NIBAN2: variants seen among roughly 807,000 people sequenced by gnomAD.
NIBAN2 encodes the protein niban apoptosis regulator 2.
Under a neutral mutation model 81.8 loss-of-function variants are expected in NIBAN2, and 36 were observed. That is an observed-to-expected ratio of 0.44 (90% CI 0.34 to 0.58). NIBAN2 has a LOEUF of 0.58. Ranked by LOEUF, NIBAN2 falls within the 20% of genes least tolerant of loss-of-function variation. The pLI is 0.02. For synonymous variants in NIBAN2, 445 were observed against 441.6 expected, an observed-to-expected ratio of 1.01 and a Z score of -0.10; for missense variants, 897 against 1,014.1, an observed-to-expected ratio of 0.88 and a Z score of 1.57.
chr9:127,565,280 G>C (rs1490538758), intron 1 of NIBAN2, among the ~76,000 whole-genome samples: 1 of 151,948 alleles, frequency 6.6e-6, no homozygotes, highest in African/African-American at 2.4e-5. Flanking sequence ...CATTACTTTT[G>C]CAATTAGACA....
chr9:127,561,873 G>A lies in NIBAN2; in HGVS notation c.55+6947C>T, dbSNP rs79502468. Among the ~76,000 whole-genome samples the A allele has an allele frequency of 4.5e-3, 681 of 152,318 alleles. 11 individuals are homozygous for A. The East Asian group carries it at 0.065, about 14-fold the overall frequency. ...GGGTTTTAAACCTAGGCATCTGCCCGGACTCCTTCCTTAAACCTCTGCCCA... is the reference window on the plus strand; with the variant it reads ...GGGTTTTAAACCTAGGCATCTGCCCAGACTCCTTCCTTAAACCTCTGCCCA... On this transcript the variant is annotated intron_variant, in intron 1 of 13. Coordinates refer to ENST00000373312, the MANE Select transcript of NIBAN2 (RefSeq NM_022833.4).
chr9:127,568,728 C>T (rs1428624837), intron 1 of NIBAN2, 92 bp downstream of exon 1: 4 of 1,128,180 alleles, frequency 3.5e-6, no homozygotes, highest in Non-Finnish European at 4.4e-6. Flanking sequence ...CCCCGAGCCC[C>T]CGGCCCCGGC....
At chr9:127,540,128 GA>G (rs1837350414) in intron 1 of NIBAN2, among the ~76,000 whole-genome samples, 2 of 152,148 alleles carry the variant, frequency 1.3e-5, no homozygotes, top group Non-Finnish European at 2.9e-5. Context: ...CCCACCCTGG[GA>G]CCAGCTCCAA....
At chr9:127,530,551 G>C (rs1837159455) in intron 2 of NIBAN2, among the ~76,000 whole-genome samples, 1 of 152,146 alleles carries the variant, frequency 6.6e-6, no homozygotes, top group African/African-American at 2.4e-5. Flanking sequence ...GGCCCACGCT[G>C]ACCCTCAGGC....
chr9:127,512,970 G>A (rs565902258), intron 8 of NIBAN2, among the ~76,000 whole-genome samples: 1 of 152,268 alleles, frequency 6.6e-6, no homozygotes. Flanking sequence ...AGCAACCTAA[G>A]TGTCCATAAC....
At chr9:127,530,150 C>T (rs754369218) in intron 2 of NIBAN2, among the ~76,000 whole-genome samples, 12 of 152,250 alleles carry the variant, frequency 7.9e-5, no homozygotes, top group Non-Finnish European at 1.6e-4. Context: ...CACACAGATA[C>T]GCACCTGCCA....
chr9:127,523,882 G>A (rs373291204), intron 4 of NIBAN2, 36 bp from the exon 5 acceptor site: 44 of 1,588,706 alleles, frequency 2.8e-5, no homozygotes, highest in Non-Finnish European at 3.7e-5. Context: ...GCTGCCCTCT[G>A]TGGTTGCCCT....
At chr9:127,552,194 G>A (rs1837588950) in intron 1 of NIBAN2, among the ~76,000 whole-genome samples, 1 of 152,232 alleles carries the variant, frequency 6.6e-6, no homozygotes, top group Non-Finnish European at 1.5e-5. Context: ...CTGACACTGA[G>A]CAGAGATGGC....
In NIBAN2 at chr9:127,507,734, G is replaced by T. The variant is rs2132148540; in HGVS notation, c.1654+133C>A. On this transcript the variant is annotated intron_variant, in intron 13 of 13. Transcript: ENST00000373312. The surrounding 1 kb of genome is among the most constrained non-coding windows in gnomAD (Gnocchi z 6.8). The stretch of plus-strand genomic sequence containing the variant: ...TCCGGAGGCCACACAGCGAAGAGTG[G>T]GCTTCACCCAGACCCCAGGTGCAAG... 1 of 816,882 alleles carries T rather than the reference G, an allele frequency of 1.2e-6. No individual in the cohort carries two copies. Among genetic ancestry groups the T allele is most frequent in the Non-Finnish European group, 2.0e-6 (1 of 488,824 alleles). 50.6% of individuals were successfully genotyped at this position (816,882 alleles called of 1,614,324 possible). A position where few individuals can be genotyped will look rare whatever the true frequency, so the allele number is the denominator to read the frequency against.
Position 127,508,240 on chromosome 9 carries a change from G to GA in NIBAN2, c.1435-41_1435-40insT. 1 of 1,530,424 alleles carries GA rather than the reference G, an allele frequency of 6.5e-7. No individual in the cohort carries two copies. Among genetic ancestry groups the GA allele is most frequent in the Non-Finnish European group, 9.0e-7 (1 of 1,107,688 alleles). 94.8% of individuals were successfully genotyped at this position (1,530,424 alleles called of 1,614,324 possible). ...GGGGTCGGGGGTCTGCAGGTCAGTG[G>GA]GCTCCATTGGCCCTGAGGGTAGGAC... On this transcript the variant is annotated intron_variant, in intron 11 of 13. Transcript: ENST00000373312. The surrounding 1 kb of genome is among the most constrained non-coding windows in gnomAD (Gnocchi z 6.4).
chr9:127,523,169 T>TA lies in NIBAN2; in HGVS notation c.589+509dup, dbSNP rs1159040869. ...AAATCACCCTGCAGGTTGGTGGTTT[T>TA]AAAAAAAAAAAAAAAAAAAAAAAAT... On this transcript the variant is annotated intron_variant, in intron 5 of 13. Transcript: ENST00000373312. Among the ~76,000 whole-genome samples, 9 of 11,326 alleles carry TA rather than the reference T, an allele frequency of 7.9e-4. 2 individuals carry two copies. The highest frequency in any genetic ancestry group is 1.8e-3 in the African/African-American group (3 of 1,640). 7.4% of individuals were successfully genotyped at this position (11,326 alleles called of 152,430 possible).
chr9:127,515,520 C>CAAAA (rs60740827), intron 8 of NIBAN2, among the ~76,000 whole-genome samples: 5 of 90,470 alleles, frequency 5.5e-5, no homozygotes, highest in East Asian at 3.4e-4. Context: ...GACTCCGTCT[C>CAAAA]AAAAAAAAAA....
intron 1 of NIBAN2, among the ~76,000 whole-genome samples, chr9:127,542,321 C>T (rs1320256545): frequency 2.0e-5 from 3 of 152,128 alleles, no homozygotes; most frequent in Admixed American, 2.0e-4. Context: ...GAGCCCTCCA[C>T]CTATTCCCGC....
intron 5 of NIBAN2, among the ~76,000 whole-genome samples, chr9:127,521,821 A>G (rs1410235799): frequency 6.6e-6 from 1 of 151,942 alleles, no homozygotes; most frequent in Non-Finnish European, 1.5e-5. Flanking sequence ...GAACTCCCCC[A>G]TGGCCTCCCC....
At chr9:127,519,765 G>A (rs962323523) in intron 5 of NIBAN2, among the ~76,000 whole-genome samples, 7 of 152,260 alleles carry the variant, frequency 4.6e-5, no homozygotes, top group African/African-American at 7.2e-5. Context: ...TGTTCCAGCT[G>A]GAGCAGCATG....
chr9:127,568,836 C>T lies in NIBAN2; in HGVS notation c.39G>A (p.Arg13=), dbSNP rs970482609. 1.2e-5 allele frequency: 17 copies of T among 1,370,426 alleles called. No individual in the cohort carries two copies. The highest frequency in any genetic ancestry group is 1.5e-5 in the Non-Finnish European group (16 of 1,056,962). 84.9% of individuals were successfully genotyped at this position (1,370,426 alleles called of 1,614,324 possible). A position where few individuals can be genotyped will look rare whatever the true frequency, so the allele number is the denominator to read the frequency against. Residue 13 remains arginine, a synonymous_variant, in exon 1 of 14, where the codon CGG becomes CGA. Transcript: ENST00000373312. The part of the protein sequence containing the change: ...DVLSTHLDDA[R]RQHIAEKTGK... The stretch of plus-strand genomic sequence containing the variant: ...GACCCTCACCTGCGATGTGCTGGCG[C>T]CGGGCGTCGTCCAGGTGCGTGGACA...
At chr9:127,521,999 G>A (rs542699289) in intron 5 of NIBAN2, among the ~76,000 whole-genome samples, 2 of 152,312 alleles carry the variant, frequency 1.3e-5, no homozygotes, top group Admixed American at 6.5e-5. Flanking sequence ...CCTATCTGGC[G>A]CAGGTCACCC....
upstream of NIBAN2, chr9:127,569,154 C>T (rs1245130240): frequency 1.2e-6 from 1 of 851,290 alleles, no homozygotes; most frequent in Non-Finnish European, 1.4e-6. Context: ...CCAACCCCGC[C>T]CCCTCCCCGC....
rs114299450 is a variant in NIBAN2 at position 127,519,983 on chromosome 9, A to G, written c.590-2042T>C. 4.9e-3 allele frequency among the ~76,000 whole-genome samples: 751 copies of G among 152,310 alleles called. 5 individuals are homozygous for G. Among genetic ancestry groups the G allele is most frequent in the African/African-American group, 0.017 (720 of 41,570 alleles). On this transcript the variant is annotated intron_variant, in intron 5 of 13. Coordinates refer to ENST00000373312, the MANE Select transcript of NIBAN2 (RefSeq NM_022833.4). ...GGTGTGCAGGGCAGGCCTGCTTTCC[A>G]GGTGGCGAGAAGGTGAGGCAGAGGG...
Sources: gnomAD v4.1 joint callset for allele counts (sites outside exome capture counted in the v4.1 genomes callset) on GRCh38, gnomAD v4.1.1 for gene constraint, Gnocchi (gnomAD v3.1) non-coding constraint, MANE v1.5 for transcripts, NCBI Gene and HGNC (gene_info 2026-07-23, HGNC 2026-07-21) for gene names.